Variants in HOOK3 observed in about 807,000 individuals in gnomAD.
HOOK3 encodes the protein hook microtubule tethering protein 3, also known as protein Hook homolog 3.
In HOOK3, 24 loss-of-function variants were observed where a neutral mutation model predicts 116.3. The ratio of observed to expected loss-of-function variants is 0.21; its 90% confidence interval spans 0.15 to 0.29. HOOK3 has a LOEUF of 0.29. Among genes scored for constraint, HOOK3 ranks in the 10% least tolerant of loss-of-function variants. The probability of loss-of-function intolerance (pLI) is 1.00; values close to 1 mark genes in which losing one functional copy is unlikely to be tolerated. For synonymous variants in HOOK3, 275 were observed against 283.0 expected (o/e 0.97, Z 0.28); for missense variants, 632 against 830.2 (o/e 0.76, Z 2.93).
intron 3 of HOOK3, among the ~76,000 whole-genome samples, chr8:42,927,744 A>G (rs1563292976): frequency 6.6e-6 from 1 of 152,176 alleles, no homozygotes; most frequent in Non-Finnish European, 1.5e-5. Context: ...AGCTGGGACT[A>G]CAGGTGCAGG....
intron 4 of HOOK3, among the ~76,000 whole-genome samples, chr8:42,933,461 T>G (rs1259490406): frequency 6.6e-6 from 1 of 152,202 alleles, no homozygotes; most frequent in East Asian, 1.9e-4. Flanking sequence ...TCCATTATAT[T>G]AACATTTCTG....
At chr8:42,927,406 G>A (rs1283088867) in intron 3 of HOOK3, among the ~76,000 whole-genome samples, 1 of 151,778 alleles carries the variant, frequency 6.6e-6, no homozygotes. Flanking sequence ...ACAGGCGCAC[G>A]CCATGATGCC....
rs193028058 is a variant in HOOK3, at chr8:42,975,410, A to G, written c.1321+1216A>G. ...CTGTTTGCCAGGCACTGTGTCTATT[A>G]GTAGAGCTGGAGATACAAAAATAAA... is the stretch of plus-strand genomic sequence containing the variant. On this transcript the variant is annotated intron_variant, in intron 13 of 21. Coordinates refer to ENST00000307602, the MANE Select transcript of HOOK3 (RefSeq NM_032410.4). Among the ~76,000 whole-genome samples the G allele has an allele frequency of 2.6e-5, 4 of 152,292 alleles. No individual in the cohort carries two copies. The East Asian group carries it at 7.7e-4, about 29-fold the overall frequency.
intron 11 of HOOK3, among the ~76,000 whole-genome samples, chr8:42,971,198 C>A (rs753371259): frequency 6.6e-6 from 1 of 152,078 alleles, no homozygotes; most frequent in African/African-American, 2.4e-5. Flanking sequence ...TTGTTGATTA[C>A]ATACAGAATG....
At chr8:42,981,164 A>G (rs990369906) in intron 13 of HOOK3, among the ~76,000 whole-genome samples, 2 of 149,660 alleles carry the variant, frequency 1.3e-5, no homozygotes, top group African/African-American at 4.9e-5. Context: ...TGATCCTCCC[A>G]CCTCAGCCTC....
rs1483956004 is a variant in HOOK3 at position 43,026,775 on chromosome 8, TG to T, written c.*8281del. 4.4e-6 allele frequency: 1 copy of T among 227,924 alleles called. No individual in the cohort carries two copies. Among genetic ancestry groups the T allele is most frequent in the African/African-American group, 2.2e-5 (1 of 45,022 alleles). The allele number at this position is 227,924 out of a possible 1,614,324, so 14.1% of individuals were successfully genotyped here. On this transcript the variant is annotated 3_prime_UTR_variant, in exon 22 of 22. Coordinates refer to ENST00000307602, the MANE Select transcript of HOOK3 (RefSeq NM_032410.4). ...TCAAGTCGGAGGATCAGGAAAATGG[TG>T]GGGAAGAGGTGACTGGAAAGGCAGG...
intron 18 of HOOK3, among the ~76,000 whole-genome samples, chr8:43,008,916 C>T (rs1350267824): frequency 6.6e-6 from 1 of 151,690 alleles, no homozygotes; most frequent in Non-Finnish European, 1.5e-5. Context: ...GCCTCGGCCT[C>T]CCAAAGTGCT....
intron 14 of HOOK3, among the ~76,000 whole-genome samples, chr8:42,985,740 C>CAA (rs879842015): frequency 1.9e-5 from 2 of 106,808 alleles, no homozygotes; most frequent in Non-Finnish European, 4.0e-5. Flanking sequence ...GACCCCGTCT[C>CAA]AAAAAAAAAA....
At chr8:43,003,689 C>T (rs969427867) in intron 17 of HOOK3, among the ~76,000 whole-genome samples, 4 of 152,278 alleles carry the variant, frequency 2.6e-5, no homozygotes, top group Admixed American at 6.5e-5. Flanking sequence ...ACCAAGGTGG[C>T]AGCAGGCTGG....
At chr8:42,935,194 C>A (rs529832858) in intron 4 of HOOK3, among the ~76,000 whole-genome samples, 1 of 152,018 alleles carries the variant, frequency 6.6e-6, no homozygotes, top group Non-Finnish European at 1.5e-5. Flanking sequence ...TGTCTTCTTT[C>A]GAGAAGTGTC....
At chr8:42,933,536 G>T (rs1412059332) in intron 4 of HOOK3, among the ~76,000 whole-genome samples, 1 of 152,152 alleles carries the variant, frequency 6.6e-6, no homozygotes. Context: ...TTCTGTCATT[G>T]CCTTTCACCC....
rs777700985 is a variant in HOOK3 at position 43,007,910 on chromosome 8, G to A, written c.1719G>A (p.Glu573=). The change falls in exon 18 of 22, where the codon GAG becomes GAA. Residue 573 remains glutamate, a synonymous_variant. Transcript: ENST00000307602. ...QKKRAIIEDL[E]PRFNNSSLKI... ...AGAGAGCCATTATTGAAGATCTCGA[G>A]CCAAGATTTAACAACAGCTGTGAGT... 1 of 1,595,020 alleles carries A rather than the reference G, an allele frequency of 6.3e-7. No individual in the cohort carries two copies. Among genetic ancestry groups the A allele is most frequent in the South Asian group, 1.1e-5 (1 of 87,682 alleles).
chr8:42,911,400 G>A lies in HOOK3; in HGVS notation c.143+5142G>A, dbSNP rs576116019. Among the ~76,000 whole-genome samples the A allele has an allele frequency of 1.8e-4, 27 of 152,246 alleles. No homozygotes were observed. The East Asian group carries it at 4.1e-3, about 23-fold the overall frequency. Reference sequence around the variant, plus strand: ...GGGAAAGTGGAGGTTGCAGTGAGCCGAGATTGTGCCATTGCACTCCAGCCT... The same window carrying A: ...GGGAAAGTGGAGGTTGCAGTGAGCCAAGATTGTGCCATTGCACTCCAGCCT... On this transcript the variant is annotated intron_variant, in intron 2 of 21. Coordinates refer to ENST00000307602, the MANE Select transcript of HOOK3 (RefSeq NM_032410.4).
In HOOK3 at chr8:42,940,496, G is replaced by GGGGACA. The variant is rs139960012; in HGVS notation, c.268-2794_268-2789dup. Among the ~76,000 whole-genome samples the GGGGACA allele has an allele frequency of 1.9e-3, 291 of 152,042 alleles. 2 individuals carry two copies. In the East Asian group the frequency reaches 0.028, roughly 15 times the overall value. ...GGAAAGAGAGGGAGAGGGAGACCGT[G>GGGGACA]GGGACAGGGACAGGGACAGGGACAG... On this transcript the variant is annotated intron_variant, in intron 4 of 21. Coordinates refer to ENST00000307602, the MANE Select transcript of HOOK3 (RefSeq NM_032410.4).
intron 15 of HOOK3, among the ~76,000 whole-genome samples, chr8:42,988,772 T>TC (rs1283325415): frequency 6.6e-6 from 1 of 152,184 alleles, no homozygotes; most frequent in African/African-American, 2.4e-5. Flanking sequence ...CTCCAAAGCC[T>TC]CCATACCTAG....
At chr8:43,014,526 A>G (rs923835738) in intron 21 of HOOK3, among the ~76,000 whole-genome samples, 5 of 151,534 alleles carry the variant, frequency 3.3e-5, no homozygotes, top group African/African-American at 9.7e-5. Flanking sequence ...TAATTTTTGT[A>G]TTTTTAGTAG....
intron 4 of HOOK3, 127 bp from the exon 5 acceptor site, chr8:42,943,186 G>C: frequency 2.1e-6 from 1 of 479,998 alleles, no homozygotes. Flanking sequence ...GAAATTGGGA[G>C]TGAAATGGAA....
At chr8:42,930,035 G>T in intron 3 of HOOK3, 87 bp from the exon 4 acceptor site, 1 of 1,184,272 alleles carries the variant, frequency 8.4e-7, no homozygotes, top group South Asian at 1.5e-5. Flanking sequence ...TAACTGCAGT[G>T]ATTGGTTGGC....
intron 6 of HOOK3, among the ~76,000 whole-genome samples, chr8:42,952,918 A>C (rs747726281): frequency 6.6e-6 from 1 of 152,100 alleles, no homozygotes; most frequent in Non-Finnish European, 1.5e-5. Context: ...ACTTTCTTCC[A>C]TCTTGCTGCT....
Sources: allele counts gnomAD v4.1 joint callset (sites outside exome capture counted in the v4.1 genomes callset), GRCh38; gene constraint gnomAD v4.1.1; transcripts MANE v1.5; gene names NCBI Gene and HGNC (gene_info 2026-07-23, HGNC 2026-07-21).